Variants in FAM25A observed in about 807,000 individuals in gnomAD.
FAM25A encodes the protein family with sequence similarity 25 member A.
A neutral mutation model predicts 6.6 loss-of-function variants in FAM25A; 5 were observed. The ratio of observed to expected loss-of-function variants is 0.75; its 90% CI spans 0.39 to 1.59. FAM25A has a LOEUF of 1.59. Ranked by LOEUF, FAM25A falls within the 40% of genes most tolerant of loss-of-function variation. FAM25A has a pLI of 0.02. For synonymous variants in FAM25A, 36 were observed against 41.3 expected (o/e 0.87, Z 0.49); for missense variants, 93 against 109.7 (o/e 0.85, Z 0.68).
chr10:87,023,215 C>T (rs1329258058), intron 2 of FAM25A, among the ~76,000 whole-genome samples: 11 of 148,912 alleles, frequency 7.4e-5, no homozygotes, highest in Non-Finnish European at 1.6e-4. Context: ...TGTGATACTC[C>T]GTCTCAAAAA....
chr10:87,020,387 C>G lies in FAM25A; in HGVS notation c.63C>G (p.Thr21=). 1 of 1,549,380 alleles carries G rather than the reference C, an allele frequency of 6.5e-7. No individual in the cohort carries two copies. The highest frequency in any genetic ancestry group is 8.7e-7 in the Non-Finnish European group (1 of 1,146,814). Residue 21 remains threonine, a synonymous_variant, in exon 1 of 3, where the codon ACC becomes ACG. Coordinates refer to ENST00000343959, the MANE Select transcript of FAM25A (RefSeq NM_001146157.3). Reference sequence around the variant, plus strand: ...TGGCCCACCGCACCGAGAAGGCCACCGAGGGAGCCAGTGAGGACCTGGGGC... The same window carrying G: ...TGGCCCACCGCACCGAGAAGGCCACGGAGGGAGCCAGTGAGGACCTGGGGC... ...EGLAHRTEKA[T]EGAIHAVEEV...
rs1377025995 is a variant in FAM25A, at chr10:87,022,345, G to C, written c.105G>C (p.Val35=). 6.5e-7 allele frequency: 1 copy of C among 1,548,868 alleles called. No homozygotes were observed. The highest frequency in any genetic ancestry group is 8.7e-7 in the Non-Finnish European group (1 of 1,146,686). Residue 35 remains valine, a synonymous_variant, in exon 2 of 3, where the codon GTG becomes GTC. Coordinates refer to ENST00000343959, the MANE Select transcript of FAM25A (RefSeq NM_001146157.3). ...IHAVEEVVKE[V]VGHAKETGEK... Reference sequence around the variant, plus strand: ...CCGTGGAAGAAGTGGTGAAGGAGGTGGTGGGACACGCCAAGGAGACTGGAG... The same window carrying C: ...CCGTGGAAGAAGTGGTGAAGGAGGTCGTGGGACACGCCAAGGAGACTGGAG...
chr10:87,021,025 G>C (rs1484429665), intron 1 of FAM25A, among the ~76,000 whole-genome samples: 1 of 152,202 alleles, frequency 6.6e-6, no homozygotes, highest in East Asian at 1.9e-4. Flanking sequence ...ACAGGGTTTC[G>C]CCATGTTGGC....
chr10:87,023,870 C>G (rs1009009814), intron 2 of FAM25A, among the ~76,000 whole-genome samples: 3 of 152,100 alleles, frequency 2.0e-5, no homozygotes, highest in African/African-American at 7.2e-5. Context: ...GGGCCCAGCT[C>G]TGTCCTCACA....
At position 87,024,701 on chromosome 10, in the gene FAM25A, C is replaced by T; in HGVS notation, c.*27C>T. Reference sequence around the variant, plus strand: ...TGCACCTGCTACCACGGCCCTTCCCCAGTCTCAATAAAAAGCCATGACATG... The same window carrying T: ...TGCACCTGCTACCACGGCCCTTCCCTAGTCTCAATAAAAAGCCATGACATG... On this transcript the variant is annotated 3_prime_UTR_variant, in exon 3 of 3. Transcript: ENST00000343959. 6.5e-7 allele frequency: 1 copy of T among 1,535,694 alleles called. No homozygotes were observed. The highest frequency in any genetic ancestry group is 2.4e-5 in the East Asian group (1 of 40,920).
intron 2 of FAM25A, among the ~76,000 whole-genome samples, chr10:87,022,916 G>T (rs1429463122): frequency 2.1e-3 from 213 of 100,672 alleles, no homozygotes; most frequent in Middle Eastern, 8.8e-3. Context: ...TACAGAGTGA[G>T]ACTCGGTCTC....
At chr10:87,022,743 G>A (rs1845341601) in intron 2 of FAM25A, among the ~76,000 whole-genome samples, 2 of 150,996 alleles carry the variant, frequency 1.3e-5, no homozygotes, top group Non-Finnish European at 2.9e-5. Context: ...TGGCTAACAC[G>A]GTGAAATCCC....
rs372906607 is a variant in FAM25A at position 87,021,407 on chromosome 10, T to C, written c.74-907T>C. Among the ~76,000 whole-genome samples the C allele has an allele frequency of 1.3e-4, 20 of 152,342 alleles. No individual in the cohort carries two copies. The East Asian group carries it at 3.5e-3, about 26-fold the overall frequency. ...CTTGCTAGATTGGCTGGCTCCTTGC[T>C]TCTAGCACTCCCATTTTCTCAAGTA... On this transcript the variant is annotated intron_variant, in intron 1 of 2. Transcript: ENST00000343959.
At chr10:87,022,483 T>A in intron 2 of FAM25A, 107 bp downstream of exon 2, 1 of 1,354,058 alleles carries the variant, frequency 7.4e-7, no homozygotes, top group Non-Finnish European at 1.0e-6. Context: ...CCCCCAATGT[T>A]GCAGCCTTTC....
intron 1 of FAM25A, among the ~76,000 whole-genome samples, chr10:87,022,008 A>C (rs1845332337): frequency 6.6e-6 from 1 of 152,220 alleles, no homozygotes; most frequent in Non-Finnish European, 1.5e-5. Context: ...AAGGGGCTTC[A>C]GGGACCCATG....
chr10:87,023,287 G>A (rs1845346951), intron 2 of FAM25A, among the ~76,000 whole-genome samples: 1 of 152,160 alleles, frequency 6.6e-6, no homozygotes, highest in South Asian at 2.1e-4. Context: ...TGTGAGCTAT[G>A]AGTAGAACTA....
At chr10:87,021,844 AC>A (rs1845331354) in intron 1 of FAM25A, among the ~76,000 whole-genome samples, 1 of 152,190 alleles carries the variant, frequency 6.6e-6, no homozygotes, top group South Asian at 2.1e-4. Context: ...GCTTTGAGAG[AC>A]CTGGTTTTAC....
intron 1 of FAM25A, 44 bp from the exon 2 acceptor site, chr10:87,022,270 G>A (rs746976973): frequency 6.5e-7 from 1 of 1,547,084 alleles, no homozygotes; most frequent in South Asian, 1.2e-5. Context: ...GAGGGCAGCG[G>A]CTCTGCTCTG....
At chr10:87,023,883 G>A (rs1845354498) in intron 2 of FAM25A, among the ~76,000 whole-genome samples, 1 of 152,100 alleles carries the variant, frequency 6.6e-6, no homozygotes, top group African/African-American at 2.4e-5. Flanking sequence ...TCCTCACATG[G>A]TGGAAGGAGC....
intron 1 of FAM25A, among the ~76,000 whole-genome samples, chr10:87,021,518 A>G (rs554601218): frequency 1.4e-4 from 21 of 152,248 alleles, no homozygotes; most frequent in Non-Finnish European, 2.5e-4. Flanking sequence ...ATCACCAATA[A>G]ATAGCATGGG....
rs1040290075 is a variant in FAM25A at position 87,024,553 on chromosome 10, C to G, written c.149C>G (p.Ala50Gly). Residue 50 changes from alanine (A) to glycine (G), a missense_variant, in exon 3 of 3, where the codon GCC becomes GGC. By Grantham distance (60) the Ala-to-Gly change is moderately conservative. Coordinates refer to ENST00000343959, the MANE Select transcript of FAM25A (RefSeq NM_001146157.3). ...TTCTTTCCAACAGCCATTGCTGAAGCCATAAAGAAAGCCCAAGAGTCAGGG... is the reference window on the plus strand; with the variant it reads ...TTCTTTCCAACAGCCATTGCTGAAGGCATAAAGAAAGCCCAAGAGTCAGGG... The part of the protein sequence containing the change: ...KETGEKAIAE[A>G]IKKAQESGDK... The G allele has an allele frequency of 1.4e-5, 22 of 1,535,760 alleles. No homozygotes were observed. The highest frequency in any genetic ancestry group is 1.8e-5 in the Non-Finnish European group (21 of 1,146,896).
intron 2 of FAM25A, among the ~76,000 whole-genome samples, chr10:87,023,016 G>A (rs1589338467): frequency 6.7e-6 from 1 of 149,704 alleles, no homozygotes; most frequent in African/African-American, 2.5e-5. Flanking sequence ...GGCGGATCAC[G>A]AGGTCAGGAG....
At chr10:87,024,484 G>A in intron 2 of FAM25A, 57 bp from the exon 3 acceptor site, 1 of 1,535,776 alleles carries the variant, frequency 6.5e-7, no homozygotes, top group Non-Finnish European at 8.7e-7. Context: ...GCCACTCAAG[G>A]GGACACAAGT....
In FAM25A at chr10:87,024,658, A is replaced by G. The variant is rs760174014; in HGVS notation, c.254A>G (p.Asp85Gly). Residue 85 changes from aspartate (D) to glycine (G), a missense_variant, in exon 3 of 3, where the codon GAC becomes GGC. Physicochemically the swap from Asp to Gly is moderately conservative, Grantham distance 94. Transcript: ENST00000343959. ...ATCACCCATGCAGCAGAGAGTCTGG[A>G]CAAACTTGGACAGTGAGTGCACCTG... ...NAITHAAESL[D>G]KLGQ 25 of 1,535,714 alleles carry G rather than the reference A, an allele frequency of 1.6e-5. No homozygotes were observed. Among genetic ancestry groups the G allele is most frequent in the Non-Finnish European group, 2.0e-5 (23 of 1,146,902 alleles).
Sources: gnomAD v4.1 joint callset for allele counts (sites outside exome capture counted in the v4.1 genomes callset) on GRCh38, gnomAD v4.1.1 for gene constraint, MANE v1.5 for transcripts, NCBI Gene and HGNC (gene_info 2026-07-23, HGNC 2026-07-21) for gene names.